The following JAK2 variants were observed in gnomAD, a reference collection of about 807,000 sequenced individuals.
The protein encoded by JAK2 is tyrosine-protein kinase JAK2.
A neutral mutation model predicts 139.3 loss-of-function variants in JAK2; 86 were observed. The observed-to-expected ratio is 0.62, with a 90% CI of 0.52 to 0.74. The LOEUF (loss-of-function observed/expected upper bound fraction) is 0.74. Ranked by LOEUF, JAK2 falls within the 30% of genes least tolerant of loss-of-function variation. The pLI, the probability that JAK2 is intolerant of heterozygous loss-of-function variation, is 0.00. For missense variants in JAK2, 1,421 were observed against 1,360.3 expected (o/e 1.04, Z -0.70); for synonymous variants, 490 against 437.7 (o/e 1.12, Z -1.49).
At chr9:5,040,353 T>A (rs1816391253) in intron 4 of JAK2, among the ~76,000 whole-genome samples, 1 of 151,538 alleles carries the variant, frequency 6.6e-6, no homozygotes, top group East Asian at 1.9e-4. Context: ...TTATTAAAAC[T>A]CCAAGAAGAA....
intron 4 of JAK2, 140 bp from the exon 5 acceptor site, chr9:5,044,263 A>T (rs1816835394): frequency 3.4e-6 from 2 of 589,740 alleles, no homozygotes; most frequent in Non-Finnish European, 6.0e-6. Context: ...CTTTTGTCTC[A>T]CATTTATATT....
In JAK2 at chr9:5,122,574, G is replaced by C. The variant is rs551907740; in HGVS notation, c.3060-430G>C. On this transcript the variant is annotated intron_variant, in intron 22 of 24. Transcript: ENST00000381652. ...ATTTTAGTTATCTTTCTATGTCAGA[G>C]ATTCCCAAGACCATCCCCAGGTTGA... Among the ~76,000 whole-genome samples, 9 of 152,138 alleles carry C rather than the reference G, an allele frequency of 5.9e-5. 1 individual carries two copies.
chr9:5,000,150 TTC>T (rs770404249), intron 2 of JAK2, among the ~76,000 whole-genome samples: 32 of 152,302 alleles, frequency 2.1e-4, no homozygotes, highest in Admixed American at 5.2e-4. Context: ...TATATATTTT[TTC>T]TGTTTTTTTT....
chr9:5,128,386 G>GTTTAA lies in JAK2; in HGVS notation c.*1599_*1603dup, dbSNP rs1297032218. Among the ~76,000 whole-genome samples, 1 of 151,680 alleles carries GTTTAA rather than the reference G, an allele frequency of 6.6e-6. No homozygotes were observed. Among genetic ancestry groups the GTTTAA allele is most frequent in the Admixed American group, 6.6e-5 (1 of 15,230 alleles). ...AAAAAGATTTTAGATTTTTTTGAAA[G>GTTTAA]TTTAATTTTTATTTGTAAAGACTCC... On this transcript the variant is annotated 3_prime_UTR_variant, in exon 25 of 25. Coordinates refer to ENST00000381652, the MANE Select transcript of JAK2 (RefSeq NM_004972.4).
At chr9:5,006,542 T>G (rs1245553822) in intron 2 of JAK2, among the ~76,000 whole-genome samples, 1 of 152,208 alleles carries the variant, frequency 6.6e-6, no homozygotes, top group Non-Finnish European at 1.5e-5. Flanking sequence ...TTCCATAGGC[T>G]GTACACAAGG....
chr9:5,085,744 G>A (rs1256947189), intron 19 of JAK2: 50 of 752,536 alleles, frequency 6.6e-5, no homozygotes, highest in Admixed American at 1.4e-4. Flanking sequence ...GCTGTGGCGC[G>A]CTGGCTAGCT....
chr9:5,035,733 AAAT>A (rs1345881572), intron 4 of JAK2, among the ~76,000 whole-genome samples: 1 of 152,184 alleles, frequency 6.6e-6, no homozygotes. Flanking sequence ...ACGTGTCTCA[AAAT>A]AATAAGAGCT....
chr9:5,002,492 A>G (rs1293979101), intron 2 of JAK2, among the ~76,000 whole-genome samples: 3 of 152,146 alleles, frequency 2.0e-5, no homozygotes, highest in East Asian at 3.8e-4. Flanking sequence ...GGCCAAGAAT[A>G]TAATTCATAT....
In JAK2 at chr9:4,985,920, A is replaced by G. The variant is rs759681299; in HGVS notation, c.-108-20A>G. 1 of 152,802 alleles carries G rather than the reference A, an allele frequency of 6.5e-6. No individual in the cohort carries two copies. The highest frequency in any genetic ancestry group is 2.4e-5 in the African/African-American group (1 of 41,460). 9.5% of individuals were successfully genotyped at this position (152,802 alleles called of 1,614,324 possible). On this transcript the variant is annotated intron_variant, in intron 1 of 24. Coordinates refer to ENST00000381652, the MANE Select transcript of JAK2 (RefSeq NM_004972.4). ...CCCTGGATTTATGTGGTAGTAGTTA[A>G]CTGCTGCTTCTGTTTTTAGGTTTCA...
At chr9:5,099,377 G>T (rs1173884755) in intron 22 of JAK2, 1 of 152,004 alleles carries the variant, frequency 6.6e-6, no homozygotes, top group Admixed American at 6.6e-5. Flanking sequence ...GTTAAAGATT[G>T]ACGGAGTCTA....
chr9:5,077,072 T>G (rs1399327329), intron 14 of JAK2, among the ~76,000 whole-genome samples: 1 of 151,948 alleles, frequency 6.6e-6, no homozygotes, highest in East Asian at 1.9e-4. Flanking sequence ...GTTAGTAATT[T>G]TTGTGTGTAG....
intron 22 of JAK2, among the ~76,000 whole-genome samples, chr9:5,119,183 A>T (rs1042134510): frequency 2.0e-5 from 3 of 152,200 alleles, no homozygotes; most frequent in African/African-American, 7.2e-5. Flanking sequence ...GCCAGGCATC[A>T]AACAAATCAC....
At chr9:5,021,886 G>A in intron 2 of JAK2, 77 bp from the exon 3 acceptor site, 1 of 782,038 alleles carries the variant, frequency 1.3e-6, no homozygotes, top group Non-Finnish European at 2.1e-6. Flanking sequence ...GCCCGCCTCG[G>A]CCCCGCAAAG....
At position 5,081,873 on chromosome 9, in the gene JAK2, G is replaced by C; in HGVS notation, c.2571+12G>C. On this transcript the variant is annotated intron_variant, in intron 19 of 24. Coordinates refer to ENST00000381652, the MANE Select transcript of JAK2 (RefSeq NM_004972.4). ...AGCAACTTGGCAAGGTAAATTGTCAGAATTTTTTCAAATAGAGTATAATCA... is the reference window on the plus strand; with the variant it reads ...AGCAACTTGGCAAGGTAAATTGTCACAATTTTTTCAAATAGAGTATAATCA... The C allele has an allele frequency of 6.2e-7, 1 of 1,605,414 alleles. No individual in the cohort carries two copies. The highest frequency in any genetic ancestry group is 8.5e-7 in the Non-Finnish European group (1 of 1,173,864).
intron 13 of JAK2, 103 bp from the exon 14 acceptor site, chr9:5,073,595 G>A (rs1194397623): frequency 1.8e-5 from 15 of 848,920 alleles, no homozygotes; most frequent in Admixed American, 7.4e-5. Context: ...TAGTCATGCT[G>A]AAAGTAGGAG....
At chr9:5,069,738 G>A (rs1818818863) in intron 11 of JAK2, among the ~76,000 whole-genome samples, 187 bp from the exon 12 acceptor site, 1 of 152,020 alleles carries the variant, frequency 6.6e-6, no homozygotes, top group Non-Finnish European at 1.5e-5. Context: ...AATGTATGAA[G>A]TAACTAAGAA....
chr9:4,989,120 A>G (rs1290727702), intron 2 of JAK2, among the ~76,000 whole-genome samples: 3 of 152,078 alleles, frequency 2.0e-5, no homozygotes, highest in Non-Finnish European at 2.9e-5. Flanking sequence ...ACCATTTTCT[A>G]CTTATTAAAT....
intron 22 of JAK2, chr9:5,107,976 T>C (rs886134150): frequency 2.0e-5 from 3 of 152,152 alleles, no homozygotes; most frequent in Non-Finnish European, 4.4e-5. Context: ...TATGATTCTC[T>C]AAAAATTCTA....
At chr9:5,045,082 C>T (rs1020261386) in intron 5 of JAK2, among the ~76,000 whole-genome samples, 7 of 152,140 alleles carry the variant, frequency 4.6e-5, no homozygotes, top group Non-Finnish European at 8.8e-5. Context: ...TTTCATAATG[C>T]TTTCTTCTCT....
Sources: allele counts gnomAD v4.1 joint callset (sites outside exome capture counted in the v4.1 genomes callset), GRCh38; gene constraint gnomAD v4.1.1; transcripts MANE v1.5; gene names NCBI Gene and HGNC (gene_info 2026-07-23, HGNC 2026-07-21).